The following GRID2 variants were observed in gnomAD, a reference collection of about 807,000 sequenced individuals.
GRID2 encodes glutamate receptor ionotropic, delta-2.
Under a neutral mutation model 114.8 loss-of-function variants are expected in GRID2, and 33 were observed. The ratio of observed to expected loss-of-function variants is 0.29; its 90% CI spans 0.22 to 0.38. The LOEUF (loss-of-function observed/expected upper bound fraction) is 0.38. Among genes scored for constraint, GRID2 ranks in the 10% least tolerant of loss-of-function variants. The probability of loss-of-function intolerance (pLI) is 1.00; values close to 1 mark genes in which losing one functional copy is unlikely to be tolerated. For synonymous variants in GRID2, 505 were observed against 449.9 expected (o/e 1.12, Z -1.55); for missense variants, 1,184 against 1,257.7 (o/e 0.94, Z 0.89).
At position 93,416,540 on chromosome 4, in the gene GRID2, C is replaced by T. The variant is rs1257029024; in HGVS notation, c.1348-6231C>T. Among the ~76,000 whole-genome samples the T allele has an allele frequency of 3.9e-5, 6 of 152,098 alleles. No homozygotes were observed. In the East Asian group the frequency reaches 1.2e-3, roughly 29 times the overall value. On this transcript the variant is annotated intron_variant, in intron 9 of 15. Coordinates refer to ENST00000282020, the MANE Select transcript of GRID2 (RefSeq NM_001510.4). ...TTTGGCCTTCCTGGCATTCTGTAGT[C>T]GTGCATATTAAAACCTCTAAACAGC... is the stretch of plus-strand genomic sequence containing the variant.
intron 2 of GRID2, among the ~76,000 whole-genome samples, chr4:92,758,312 G>A (rs1737829360): frequency 6.6e-6 from 1 of 152,044 alleles, no homozygotes; most frequent in Admixed American, 6.6e-5. Flanking sequence ...TTAGTGAGAT[G>A]CAAAATTTAT....
chr4:92,918,932 G>C (rs1438623041), intron 2 of GRID2, among the ~76,000 whole-genome samples: 2 of 152,178 alleles, frequency 1.3e-5, no homozygotes, highest in African/African-American at 4.8e-5. Flanking sequence ...AATGGTACCA[G>C]TTCCTCCTTG....
intron 8 of GRID2, among the ~76,000 whole-genome samples, chr4:93,388,502 C>G (rs1323538371): frequency 1.3e-5 from 2 of 152,058 alleles, no homozygotes; most frequent in African/African-American, 4.8e-5. Context: ...AGGGTTATGC[C>G]TTACTCAAGA....
At chr4:92,436,709 G>A (rs1553934474) in intron 1 of GRID2, among the ~76,000 whole-genome samples, 1 of 152,008 alleles carries the variant, frequency 6.6e-6, no homozygotes, top group Non-Finnish European at 1.5e-5. Context: ...AGCTATAAAT[G>A]TGTGTTAAAT....
intron 2 of GRID2, among the ~76,000 whole-genome samples, chr4:92,608,589 C>T (rs1729572868): frequency 6.6e-6 from 1 of 151,770 alleles, no homozygotes; most frequent in African/African-American, 2.4e-5. Context: ...ACACATTTGG[C>T]ATTGTGTGCT....
chr4:93,102,741 A>T (rs1460537020), intron 3 of GRID2, among the ~76,000 whole-genome samples: 1 of 151,272 alleles, frequency 6.6e-6, no homozygotes, highest in Non-Finnish European at 1.5e-5. Context: ...GATTAAAAAT[A>T]AAAGACATCA....
chr4:93,341,687 CAT>C (rs1298686527), intron 8 of GRID2, among the ~76,000 whole-genome samples: 1 of 152,114 alleles, frequency 6.6e-6, no homozygotes, highest in African/African-American at 2.4e-5. Context: ...CTCAACATGA[CAT>C]GACATAAAGT....
chr4:93,326,913 A>G (rs1362270362), intron 8 of GRID2, among the ~76,000 whole-genome samples: 6 of 152,308 alleles, frequency 3.9e-5, no homozygotes, highest in African/African-American at 1.2e-4. Flanking sequence ...TTTACTTATG[A>G]TATACAGAAT....
intron 3 of GRID2, among the ~76,000 whole-genome samples, chr4:93,089,015 C>T (rs964264056): frequency 5.9e-5 from 9 of 151,922 alleles, no homozygotes; most frequent in Non-Finnish European, 8.8e-5. Flanking sequence ...TGTATTATCT[C>T]GTTTACTCCT....
intron 9 of GRID2, among the ~76,000 whole-genome samples, chr4:93,398,930 T>C (rs1466680377): frequency 6.6e-6 from 1 of 151,984 alleles, no homozygotes; most frequent in Non-Finnish European, 1.5e-5. Context: ...TCCCTTCTTA[T>C]TTATTTTCTA....
At position 93,387,719 on chromosome 4, in the gene GRID2, A is replaced by G. The variant is rs183738072; in HGVS notation, c.1246-7888A>G. ...GTGGTGTGTGCCTGTAATCCCAACT[A>G]CTCGGCAGGCTGAGGCAAGAGAATC... is the stretch of plus-strand genomic sequence containing the variant. On this transcript the variant is annotated intron_variant, in intron 8 of 15. Transcript: ENST00000282020. Among the ~76,000 whole-genome samples, 8 of 151,166 alleles carry G rather than the reference A, an allele frequency of 5.3e-5. No individual in the cohort carries two copies. The East Asian group carries it at 1.6e-3, about 30-fold the overall frequency.
chr4:92,397,699 T>C (rs866474486), intron 1 of GRID2, among the ~76,000 whole-genome samples: 34 of 151,788 alleles, frequency 2.2e-4, no homozygotes, highest in African/African-American at 7.7e-4. Flanking sequence ...AAACCATAGC[T>C]CCCATCATGA....
Position 92,584,349 on chromosome 4 carries a change from C to A in GRID2, c.89-5782C>A, listed in dbSNP as rs147215349. ...GGATATATGCTTACAGTGCAACTAA[C>A]GTGTATGCAAAATGCATTGTCAGAA... On this transcript the variant is annotated intron_variant, in intron 1 of 15. Coordinates refer to ENST00000282020, the MANE Select transcript of GRID2 (RefSeq NM_001510.4). Among the ~76,000 whole-genome samples the A allele has an allele frequency of 1.9e-3, 292 of 151,950 alleles. 1 individual carries two copies. Among genetic ancestry groups the A allele is most frequent in the African/African-American group, 6.8e-3 (284 of 41,500 alleles).
intron 2 of GRID2, among the ~76,000 whole-genome samples, chr4:92,778,189 A>G (rs962979750): frequency 4.6e-5 from 7 of 151,956 alleles, no homozygotes; most frequent in Admixed American, 3.3e-4. Context: ...AACTTTTTCA[A>G]CACCTCAAAG....
chr4:92,658,165 A>G (rs1460944876), intron 2 of GRID2, among the ~76,000 whole-genome samples: 1 of 151,858 alleles, frequency 6.6e-6, no homozygotes, highest in Non-Finnish European at 1.5e-5. Context: ...TTTATAAGGC[A>G]TATCATGACC....
chr4:93,419,990 A>G (rs569316499), intron 9 of GRID2, among the ~76,000 whole-genome samples: 1 of 152,108 alleles, frequency 6.6e-6, no homozygotes, highest in African/African-American at 2.4e-5. Context: ...TGTCATATCG[A>G]AGAGTGTTAT....
At chr4:93,382,986 G>A (rs553929042) in intron 8 of GRID2, among the ~76,000 whole-genome samples, 7 of 151,708 alleles carry the variant, frequency 4.6e-5, no homozygotes, top group Admixed American at 2.0e-4. Flanking sequence ...TAAATTTAAG[G>A]TCTTCTCAAG....
chr4:92,639,720 A>G (rs1357780059), intron 2 of GRID2, among the ~76,000 whole-genome samples: 1 of 151,696 alleles, frequency 6.6e-6, no homozygotes, highest in Non-Finnish European at 1.5e-5. Context: ...TATATACTAA[A>G]AGCCCTGACT....
At chr4:93,192,275 A>C (rs1274102076) in intron 4 of GRID2, among the ~76,000 whole-genome samples, 4 of 152,230 alleles carry the variant, frequency 2.6e-5, no homozygotes, top group Non-Finnish European at 5.9e-5. Flanking sequence ...GCCTTACAAT[A>C]GGCCAATATT....
Sources: gnomAD v4.1 joint callset for allele counts (sites outside exome capture counted in the v4.1 genomes callset) on GRCh38, gnomAD v4.1.1 for gene constraint, MANE v1.5 for transcripts, NCBI Gene and HGNC (gene_info 2026-07-23, HGNC 2026-07-21) for gene names.